The following LRP1B variants were observed in gnomAD, a reference collection of about 807,000 sequenced individuals.
LRP1B encodes the protein LDL receptor related protein 1B.
A neutral mutation model predicts 556.6 loss-of-function variants in LRP1B; 217 were observed. The observed-to-expected ratio is 0.39, with a 90% CI of 0.35 to 0.44. LRP1B has a LOEUF of 0.44. Ranked by LOEUF, LRP1B falls within the 20% of genes least tolerant of loss-of-function variation. The probability of loss-of-function intolerance (pLI) is 1.00; values close to 1 mark genes in which losing one functional copy is unlikely to be tolerated. For missense variants in LRP1B, 5,053 were observed against 5,620.8 expected, an observed-to-expected ratio of 0.90 and a Z score of 3.23; for synonymous variants, 2,047 against 1,865.8, an observed-to-expected ratio of 1.10 and a Z score of -2.50.
chr2:141,717,426 T>G (rs946363276), intron 2 of LRP1B, among the ~76,000 whole-genome samples: 2 of 152,192 alleles, frequency 1.3e-5, no homozygotes, highest in African/African-American at 4.8e-5. Flanking sequence ...ACTGATTCAG[T>G]GGCAGAACTC....
chr2:140,519,794 G>C (rs536887503), intron 49 of LRP1B, among the ~76,000 whole-genome samples: 1 of 152,166 alleles, frequency 6.6e-6, no homozygotes, highest in Admixed American at 6.5e-5. Flanking sequence ...ATCAACAAGT[G>C]GACAAAGGAT....
At chr2:141,460,148 A>T (rs941139487) in intron 3 of LRP1B, among the ~76,000 whole-genome samples, 1 of 152,178 alleles carries the variant, frequency 6.6e-6, no homozygotes, top group East Asian at 1.9e-4. Flanking sequence ...CGTTACATTC[A>T]ACTTGAAGAA....
At chr2:140,443,995 G>A (rs1283360564) in intron 65 of LRP1B, among the ~76,000 whole-genome samples, 1 of 152,082 alleles carries the variant, frequency 6.6e-6, no homozygotes, top group Non-Finnish European at 1.5e-5. Flanking sequence ...TAAATTACTT[G>A]TATCTACTTA....
At chr2:141,651,424 G>C (rs1689786541) in intron 2 of LRP1B, among the ~76,000 whole-genome samples, 1 of 152,184 alleles carries the variant, frequency 6.6e-6, no homozygotes, top group Non-Finnish European at 1.5e-5. Flanking sequence ...AGGACTTTGG[G>C]AGGCGGAGGC....
intron 31 of LRP1B, among the ~76,000 whole-genome samples, chr2:140,816,000 A>G (rs1691108578): frequency 6.6e-6 from 1 of 152,078 alleles, no homozygotes; most frequent in South Asian, 2.1e-4. Flanking sequence ...ACTAGAATTG[A>G]CAAGAAAATT....
intron 35 of LRP1B, among the ~76,000 whole-genome samples, chr2:140,742,608 A>AT (rs928807065): frequency 9.4e-4 from 143 of 151,366 alleles, no homozygotes; most frequent in African/African-American, 3.3e-3. Context: ...TCTATTATAA[A>AT]TTTTTTTTTA....
chr2:140,831,987 G>A lies in LRP1B; in HGVS notation c.5209+8004C>T, dbSNP rs114180771. On this transcript the variant is annotated intron_variant, in intron 31 of 90. Transcript: ENST00000389484. ...AATGGGATATCACCTCACCCCAGTT[G>A]GAATGGTTATTATCAAAAAGACAAG... is the stretch of plus-strand genomic sequence containing the variant. Among the ~76,000 whole-genome samples the A allele has an allele frequency of 3.8e-3, 581 of 152,206 alleles. 8 individuals are homozygous for A. The highest frequency in any genetic ancestry group is 0.013 in the African/African-American group (545 of 41,550).
chr2:140,509,753 G>C (rs534418802), intron 52 of LRP1B, among the ~76,000 whole-genome samples, 175 bp downstream of exon 52: 1 of 152,318 alleles, frequency 6.6e-6, no homozygotes, highest in Admixed American at 6.5e-5. Context: ...AGTAGTTAAA[G>C]AGGTTGCAGA....
rs199818594 is a variant in LRP1B, at chr2:141,852,892, T to TA, written c.83-42492dup. On this transcript the variant is annotated intron_variant, in intron 1 of 90. Transcript: ENST00000389484. ...GAGAGAAGAACATTCTAAGTATAGT[T>TA]AAAAAAAAAAGAAATGAAAAAAACT... Among the ~76,000 whole-genome samples, 183 of 145,452 alleles carry TA rather than the reference T, an allele frequency of 1.3e-3. 1 individual carries two copies. Among genetic ancestry groups the TA allele is most frequent in the South Asian group, 9.8e-3 (45 of 4,614 alleles).
At chr2:141,751,390 A>G (rs1345106974) in intron 2 of LRP1B, among the ~76,000 whole-genome samples, 2 of 152,180 alleles carry the variant, frequency 1.3e-5, no homozygotes, top group Non-Finnish European at 2.9e-5. Flanking sequence ...TAGTTTTTTT[A>G]AAATCTTAAG....
At chr2:140,324,711 T>G (rs1446295199) in intron 80 of LRP1B, among the ~76,000 whole-genome samples, 1 of 152,034 alleles carries the variant, frequency 6.6e-6, no homozygotes, top group Non-Finnish European at 1.5e-5. Flanking sequence ...CTGAAATTTA[T>G]AACAAAACGA....
intron 3 of LRP1B, among the ~76,000 whole-genome samples, chr2:141,443,546 G>A (rs1681065844): frequency 1.3e-5 from 2 of 152,124 alleles, no homozygotes; most frequent in Admixed American, 6.5e-5. Context: ...GTCTTCTAGG[G>A]TTTTTATGGT....
At chr2:140,507,890 T>C (rs1689487373) in intron 52 of LRP1B, among the ~76,000 whole-genome samples, 1 of 152,128 alleles carries the variant, frequency 6.6e-6, no homozygotes, top group Non-Finnish European at 1.5e-5. Context: ...TTGGTGCATC[T>C]GTTTCTTTAT....
intron 35 of LRP1B, among the ~76,000 whole-genome samples, chr2:140,768,451 C>T (rs945120821): frequency 9.2e-5 from 14 of 151,750 alleles, no homozygotes; most frequent in Non-Finnish European, 1.8e-4. Context: ...AGAAAACATA[C>T]GATTTAGCAT....
intron 1 of LRP1B, among the ~76,000 whole-genome samples, chr2:141,864,772 C>T (rs1190063744): frequency 6.6e-6 from 1 of 152,114 alleles, no homozygotes; most frequent in Non-Finnish European, 1.5e-5. Flanking sequence ...GTCCCAGCTA[C>T]TCAGGAGGCT....
chr2:141,854,720 A>T (rs1159139756), intron 1 of LRP1B, among the ~76,000 whole-genome samples: 2 of 152,082 alleles, frequency 1.3e-5, no homozygotes, highest in Admixed American at 1.3e-4. Flanking sequence ...TTTATTAAAA[A>T]CCTAGAAATG....
chr2:141,838,101 T>G (rs1159789447), intron 1 of LRP1B, among the ~76,000 whole-genome samples: 2 of 152,072 alleles, frequency 1.3e-5, no homozygotes, highest in Non-Finnish European at 2.9e-5. Flanking sequence ...CTAAACACAT[T>G]TATTGGGTAC....
chr2:140,448,893 A>T (rs74837862), intron 63 of LRP1B, among the ~76,000 whole-genome samples: 10,349 of 152,114 alleles, frequency 0.068, 442 homozygotes, highest in African/African-American at 0.098. Context: ...CTTGTCAATT[A>T]AAAAAATTTA....
chr2:141,672,013 T>C (rs1305911868), intron 2 of LRP1B, among the ~76,000 whole-genome samples: 1 of 151,942 alleles, frequency 6.6e-6, no homozygotes, highest in Admixed American at 6.6e-5. Context: ...GAAAATATGT[T>C]GATATAAACA....
Sources: allele counts gnomAD v4.1 joint callset (sites outside exome capture counted in the v4.1 genomes callset), GRCh38; gene constraint gnomAD v4.1.1; transcripts MANE v1.5; gene names NCBI Gene and HGNC (gene_info 2026-07-23, HGNC 2026-07-21).